The following TRARG1 variants were observed in gnomAD, a reference collection of about 807,000 sequenced individuals.
The protein encoded by TRARG1 is trafficking regulator of GLUT4 (SLC2A4) 1 (gene/pseudogene), also known as trafficking regulator of GLUT4 1.
Under a neutral mutation model 13.3 loss-of-function variants are expected in TRARG1, and 16 were observed. The observed-to-expected ratio is 1.20, with a 90% CI of 0.81 to 1.83. TRARG1 has a LOEUF of 1.83. Ranked by LOEUF, TRARG1 falls within the 40% of genes most tolerant of loss-of-function variation. TRARG1 has a pLI of 0.00. For missense variants in TRARG1, 250 were observed against 237.4 expected, an observed-to-expected ratio of 1.05 and a Z score of -0.35; for synonymous variants, 113 against 106.2, an observed-to-expected ratio of 1.06 and a Z score of -0.39.
intron 1 of TRARG1, among the ~76,000 whole-genome samples, chr17:1,282,942 G>A (rs1484868074): frequency 2.6e-5 from 4 of 152,034 alleles, no homozygotes; most frequent in Non-Finnish European, 5.9e-5. Context: ...CTCCCACCTC[G>A]GCCGCCCAAA....
chr17:1,295,767 C>A, intron 2 of TRARG1, 144 bp downstream of exon 2: 1 of 923,492 alleles, frequency 1.1e-6, no homozygotes, highest in Non-Finnish European at 1.6e-6. Flanking sequence ...CCTCCCAGTC[C>A]ATAAAGTGCC....
intron 1 of TRARG1, among the ~76,000 whole-genome samples, chr17:1,295,102 A>C (rs1446641392): frequency 6.6e-6 from 1 of 152,132 alleles, no homozygotes; most frequent in Non-Finnish European, 1.5e-5. Context: ...CCGCTGCAGA[A>C]TTGAGGCTTG....
intron 1 of TRARG1, among the ~76,000 whole-genome samples, chr17:1,281,328 A>T (rs1472850660): frequency 6.6e-6 from 1 of 151,830 alleles, no homozygotes; most frequent in Non-Finnish European, 1.5e-5. Context: ...GGCAGGGGGT[A>T]GAAAACTGCT....
chr17:1,283,833 G>T (rs2072000764), intron 1 of TRARG1, among the ~76,000 whole-genome samples: 1 of 148,458 alleles, frequency 6.7e-6, no homozygotes, highest in Non-Finnish European at 1.5e-5. Context: ...AAAATAAAGG[G>T]CCGGGAGTGG....
At chr17:1,283,583 G>C (rs887221205) in intron 1 of TRARG1, among the ~76,000 whole-genome samples, 1 of 151,764 alleles carries the variant, frequency 6.6e-6, no homozygotes, top group Non-Finnish European at 1.5e-5. Flanking sequence ...GAGGCGGGTG[G>C]ATCTCCTGAG....
chr17:1,292,668 A>G (rs1026425454), intron 1 of TRARG1, among the ~76,000 whole-genome samples: 2 of 152,318 alleles, frequency 1.3e-5, no homozygotes, highest in Middle Eastern at 3.4e-3. Flanking sequence ...GAAACAAACA[A>G]TCTAATTCTT....
chr17:1,281,937 T>C (rs537520914), intron 1 of TRARG1, among the ~76,000 whole-genome samples: 2 of 152,032 alleles, frequency 1.3e-5, no homozygotes, highest in East Asian at 3.9e-4. Context: ...TATACATACA[T>C]GTACATATAT....
intron 1 of TRARG1, among the ~76,000 whole-genome samples, chr17:1,292,497 C>T (rs1441386434): frequency 6.6e-6 from 1 of 152,218 alleles, no homozygotes. Flanking sequence ...CTGCCCACCT[C>T]TGTGCCTCCC....
At chr17:1,282,108 A>C (rs985120824) in intron 1 of TRARG1, among the ~76,000 whole-genome samples, 1 of 129,314 alleles carries the variant, frequency 7.7e-6, no homozygotes, top group Admixed American at 8.5e-5. Flanking sequence ...ATATGTGTAC[A>C]CATAAATGCA....
chr17:1,285,145 G>T (rs1196681828), intron 1 of TRARG1, among the ~76,000 whole-genome samples: 1 of 152,048 alleles, frequency 6.6e-6, no homozygotes, highest in African/African-American at 2.4e-5. Context: ...GGGTGCAGTG[G>T]CTCGTGCCTG....
chr17:1,293,453 C>T (rs182422043), intron 1 of TRARG1, among the ~76,000 whole-genome samples: 49 of 151,238 alleles, frequency 3.2e-4, no homozygotes, highest in South Asian at 1.7e-3. Context: ...TTGATGATGT[C>T]GTGGGTTGGG....
chr17:1,296,648 C>T (rs570016251), intron 2 of TRARG1, among the ~76,000 whole-genome samples: 159 of 151,954 alleles, frequency 1.0e-3, no homozygotes, highest in African/African-American at 3.6e-3. Flanking sequence ...AGTAGCTGGG[C>T]TTACAGGTGC....
intron 1 of TRARG1, among the ~76,000 whole-genome samples, chr17:1,283,466 G>A (rs1156249409): frequency 6.6e-6 from 1 of 152,192 alleles, no homozygotes; most frequent in Non-Finnish European, 1.5e-5. Flanking sequence ...ACAGACAGGT[G>A]CAACAACCGC....
chr17:1,293,275 C>A (rs2072085682), intron 1 of TRARG1, among the ~76,000 whole-genome samples: 2 of 112,560 alleles, frequency 1.8e-5, no homozygotes, highest in Admixed American at 2.2e-4. Context: ...CAGAGCAAGA[C>A]TCTGTCTCAA....
At position 1,298,328 on chromosome 17, in the gene TRARG1, C is replaced by T; in HGVS notation, c.*64C>T. ...GCCATCGGGAGAGCTCTGACCTGCA[C>T]ACCGCGGGAGGCCAGGGTGCTGACT... is the stretch of plus-strand genomic sequence containing the variant. On this transcript the variant is annotated 3_prime_UTR_variant, in exon 3 of 3. Coordinates refer to ENST00000333813, the MANE Select transcript of TRARG1 (RefSeq NM_172367.3). 6.3e-7 allele frequency: 1 copy of T among 1,587,214 alleles called. No individual in the cohort carries two copies. Among genetic ancestry groups the T allele is most frequent in the Admixed American group, 1.7e-5 (1 of 58,146 alleles).
chr17:1,284,762 G>A (rs1011382869), intron 1 of TRARG1, among the ~76,000 whole-genome samples: 1 of 151,874 alleles, frequency 6.6e-6, no homozygotes, highest in Non-Finnish European at 1.5e-5. Context: ...CTCACTGCAA[G>A]CTCCACCTCC....
At chr17:1,290,905 A>ATTTTT (rs34602713) in intron 1 of TRARG1, among the ~76,000 whole-genome samples, 4 of 141,514 alleles carry the variant, frequency 2.8e-5, no homozygotes, top group African/African-American at 7.9e-5. Context: ...GATCTGATGG[A>ATTTTT]TTTTTTTTTT....
chr17:1,283,970 G>A (rs2072002386), intron 1 of TRARG1, among the ~76,000 whole-genome samples: 1 of 151,488 alleles, frequency 6.6e-6, no homozygotes, highest in Non-Finnish European at 1.5e-5. Flanking sequence ...AAATTAGCCG[G>A]GCATGGTGGC....
At chr17:1,292,898 G>A (rs1456138251) in intron 1 of TRARG1, among the ~76,000 whole-genome samples, 1 of 152,188 alleles carries the variant, frequency 6.6e-6, no homozygotes. Flanking sequence ...CTGCGTCCTG[G>A]GGTCTCACAC....
Sources: gnomAD v4.1 joint callset for allele counts (sites outside exome capture counted in the v4.1 genomes callset) on GRCh38, gnomAD v4.1.1 for gene constraint, MANE v1.5 for transcripts, NCBI Gene and HGNC (gene_info 2026-07-23, HGNC 2026-07-21) for gene names.